The following SEMA6D variants were observed in gnomAD, a reference collection of about 807,000 sequenced individuals.
SEMA6D encodes semaphorin 6D.
SEMA6D carries 35 observed loss-of-function variants against 106.6 expected under a neutral mutation model. The observed-to-expected ratio is 0.33, with a 90% CI of 0.25 to 0.44. SEMA6D has a LOEUF of 0.44. Among genes scored for constraint, SEMA6D ranks in the 20% least tolerant of loss-of-function variants. The pLI is 1.00. For synonymous variants in SEMA6D, 499 were observed against 487.7 expected, an observed-to-expected ratio of 1.02 and a Z score of -0.31; for missense variants, 1,185 against 1,345.9, an observed-to-expected ratio of 0.88 and a Z score of 1.87.
chr15:47,568,878 C>T (rs961853276), intron 3 of SEMA6D, among the ~76,000 whole-genome samples: 7 of 151,908 alleles, frequency 4.6e-5, no homozygotes, highest in Non-Finnish European at 8.8e-5. Context: ...GTTATTATTA[C>T]GAATAATATT....
At chr15:47,478,765 A>T (rs34879736) in intron 3 of SEMA6D, among the ~76,000 whole-genome samples, 38,954 of 152,080 alleles carry the variant, frequency 0.26, 5,420 homozygotes, top group Middle Eastern at 0.44. Flanking sequence ...ACTAATAAAG[A>T]CATACCCAAC....
intron 1 of SEMA6D, among the ~76,000 whole-genome samples, chr15:47,293,094 G>A (rs1341408479): frequency 1.3e-5 from 2 of 151,994 alleles, no homozygotes; most frequent in African/African-American, 2.4e-5. Flanking sequence ...TGGGACTCTG[G>A]TGGTTGATTT....
At chr15:47,471,153 G>A (rs1412816964) in intron 3 of SEMA6D, among the ~76,000 whole-genome samples, 1 of 152,150 alleles carries the variant, frequency 6.6e-6, no homozygotes, top group Non-Finnish European at 1.5e-5. Context: ...AGCAGGGCCA[G>A]GGCAGTCGAC....
intron 3 of SEMA6D, among the ~76,000 whole-genome samples, chr15:47,522,573 A>G (rs2044621956): frequency 1.3e-5 from 2 of 152,290 alleles, no homozygotes; most frequent in African/African-American, 2.4e-5. Context: ...TTAATGTTTT[A>G]TTTCCTCTAA....
chr15:47,730,440 C>A lies in SEMA6D; in HGVS notation c.-55+12748C>A, dbSNP rs943778181. The A allele has an allele frequency of 2.8e-6, 4 of 1,410,340 alleles. No homozygotes were observed. The African/African-American group carries it at 5.7e-5, about 20-fold the overall frequency. 87.4% of individuals were successfully genotyped at this position (1,410,340 alleles called of 1,614,324 possible). A position where few individuals can be genotyped will look rare whatever the true frequency, so the allele number is the denominator to read the frequency against. On this transcript the variant is annotated intron_variant, in intron 1 of 18. Transcript: ENST00000536845. ...TTACGACACAGGGCAGGCAAGAAGACAACCAGCTCGATGGGATCCACGTCG... is the reference window on the plus strand; with the variant it reads ...TTACGACACAGGGCAGGCAAGAAGAAAACCAGCTCGATGGGATCCACGTCG...
intron 3 of SEMA6D, among the ~76,000 whole-genome samples, chr15:47,495,542 C>T (rs1478126092): frequency 1.3e-5 from 2 of 151,780 alleles, no homozygotes; most frequent in Non-Finnish European, 2.9e-5. Context: ...ATCCATGAAT[C>T]GCAAATGTTG....
chr15:47,677,365 A>G (rs2078267582), intron 4 of SEMA6D, among the ~76,000 whole-genome samples: 1 of 152,194 alleles, frequency 6.6e-6, no homozygotes, highest in Non-Finnish European at 1.5e-5. Context: ...CTGGGTTCCA[A>G]GAGGCATCCC....
intron 3 of SEMA6D, among the ~76,000 whole-genome samples, chr15:47,594,895 A>G (rs1189457342): frequency 1.3e-5 from 2 of 152,178 alleles, no homozygotes; most frequent in Non-Finnish European, 2.9e-5. Context: ...GCATGTGTGT[A>G]TCTGTGTGTA....
intron 1 of SEMA6D, among the ~76,000 whole-genome samples, chr15:47,268,379 A>T (rs2034415475): frequency 6.6e-6 from 1 of 151,964 alleles, no homozygotes; most frequent in African/African-American, 2.4e-5. Flanking sequence ...CAGTTTTGTC[A>T]TCTGTCCCTT....
At chr15:47,551,127 A>G (rs1398969000) in intron 3 of SEMA6D, among the ~76,000 whole-genome samples, 1 of 152,116 alleles carries the variant, frequency 6.6e-6, no homozygotes, top group African/African-American at 2.4e-5. Context: ...GCATTGATTC[A>G]AACTTATTTC....
chr15:47,342,553 A>G (rs2144532820), intron 1 of SEMA6D, among the ~76,000 whole-genome samples: 1 of 152,340 alleles, frequency 6.6e-6, no homozygotes, highest in South Asian at 2.1e-4. Flanking sequence ...TTAAAAATGT[A>G]CTACCATTAC....
intron 1 of SEMA6D, among the ~76,000 whole-genome samples, chr15:47,754,287 A>G (rs950020646): frequency 6.6e-6 from 1 of 152,226 alleles, no homozygotes; most frequent in South Asian, 2.1e-4. Context: ...CCTTCCCTAT[A>G]AATTCCCCTG....
At chr15:47,748,977 CG>C (rs1282795917) in intron 1 of SEMA6D, among the ~76,000 whole-genome samples, 1 of 151,602 alleles carries the variant, frequency 6.6e-6, no homozygotes, top group Non-Finnish European at 1.5e-5. Flanking sequence ...ATGATGGAGA[CG>C]GGGCCGTCTA....
chr15:47,705,799 C>G (rs1054350006), intron 4 of SEMA6D, among the ~76,000 whole-genome samples: 2 of 152,182 alleles, frequency 1.3e-5, no homozygotes, highest in African/African-American at 4.8e-5. Context: ...GTCTGTGCTG[C>G]ACTACGAAGC....
At chr15:47,360,346 G>A (rs781030813) in intron 1 of SEMA6D, among the ~76,000 whole-genome samples, 15 of 152,202 alleles carry the variant, frequency 9.9e-5, no homozygotes, top group Non-Finnish European at 2.1e-4. Context: ...GCAACATGCT[G>A]ACAGAACCCC....
chr15:47,338,873 T>C (rs1387926045), intron 1 of SEMA6D, among the ~76,000 whole-genome samples: 1 of 152,168 alleles, frequency 6.6e-6, no homozygotes, highest in Non-Finnish European at 1.5e-5. Flanking sequence ...TCTAATCTGA[T>C]TGTAGGCTAA....
At chr15:47,500,937 C>T (rs911491191) in intron 3 of SEMA6D, among the ~76,000 whole-genome samples, 2 of 152,026 alleles carry the variant, frequency 1.3e-5, no homozygotes, top group Admixed American at 6.6e-5. Flanking sequence ...ACATATGCCT[C>T]GGTTTCTTCA....
chr15:47,377,738 G>A (rs2039498805), intron 1 of SEMA6D, among the ~76,000 whole-genome samples: 1 of 152,132 alleles, frequency 6.6e-6, no homozygotes, highest in Admixed American at 6.5e-5. Context: ...GGAAGTAAGT[G>A]TAATCTTATA....
At chr15:47,460,243 G>A (rs1345265032) in intron 2 of SEMA6D, among the ~76,000 whole-genome samples, 1 of 152,042 alleles carries the variant, frequency 6.6e-6, no homozygotes, top group Middle Eastern at 3.2e-3. Context: ...AGCTCAGTAA[G>A]AAGGAGTCAG....
Sources: gnomAD v4.1 joint callset for allele counts (sites outside exome capture counted in the v4.1 genomes callset) on GRCh38, gnomAD v4.1.1 for gene constraint, MANE v1.5 for transcripts, NCBI Gene and HGNC (gene_info 2026-07-23, HGNC 2026-07-21) for gene names.